C1orf146: variants seen among roughly 807,000 people sequenced by gnomAD.
The protein encoded by C1orf146 is protein SPO16 homolog.
Under a neutral mutation model 23.0 loss-of-function variants are expected in C1orf146, and 22 were observed. That is an observed-to-expected ratio of 0.96 (90% CI 0.68 to 1.36). The LOEUF is 1.36. Among genes scored for constraint, C1orf146 ranks in the 40% most tolerant of loss-of-function variants. The pLI is 0.00. For missense variants in C1orf146, 199 were observed against 206.8 expected (o/e 0.96, Z 0.23); for synonymous variants, 59 against 65.3 (o/e 0.90, Z 0.47).
intron 2 of C1orf146, among the ~76,000 whole-genome samples, chr1:92,236,621 C>T (rs576546688): frequency 2.0e-5 from 3 of 152,122 alleles, no homozygotes; most frequent in East Asian, 3.9e-4. Context: ...ATCTTTGTGG[C>T]GTTCTCTGTA....
chr1:92,221,437 A>G (rs1651815290), intron 1 of C1orf146, among the ~76,000 whole-genome samples: 1 of 152,208 alleles, frequency 6.6e-6, no homozygotes, highest in African/African-American at 2.4e-5. Context: ...AACATCACAC[A>G]ATATACCCAT....
intron 3 of C1orf146, 109 bp downstream of exon 3, chr1:92,242,414 T>A: frequency 2.0e-6 from 1 of 510,402 alleles, no homozygotes. Context: ...TTGGGAAGGG[T>A]AAATGTGTAA....
At chr1:92,240,081 C>T (rs3122320) in intron 2 of C1orf146, among the ~76,000 whole-genome samples, 131,509 of 152,212 alleles carry the variant, frequency 0.86, 57,231 homozygotes, top group East Asian at 1. Context: ...AAGGTTGCTC[C>T]AGAGAGTGCT....
intron 1 of C1orf146, among the ~76,000 whole-genome samples, chr1:92,221,595 G>T (rs574686534): frequency 5.3e-5 from 8 of 152,300 alleles, no homozygotes; most frequent in Admixed American, 3.3e-4. Flanking sequence ...TCTAAAAGTT[G>T]AAGATATTTT....
chr1:92,235,616 T>C (rs1393397949), intron 2 of C1orf146, among the ~76,000 whole-genome samples: 3 of 152,204 alleles, frequency 2.0e-5, no homozygotes, highest in African/African-American at 7.2e-5. Context: ...TCTGTAGATG[T>C]CTGTTATGTC....
intron 2 of C1orf146, among the ~76,000 whole-genome samples, chr1:92,234,343 A>G (rs1652217703): frequency 6.6e-6 from 1 of 152,078 alleles, no homozygotes; most frequent in Non-Finnish European, 1.5e-5. Context: ...TTTGTCAAAG[A>G]CCTTTTCTGC....
At position 92,244,717 on chromosome 1, in the gene C1orf146, CT is replaced by C. The variant is rs144951410; in HGVS notation, c.330-59del. On this transcript the variant is annotated intron_variant, in intron 4 of 5. Coordinates refer to ENST00000370375, the MANE Select transcript of C1orf146 (RefSeq NM_001012425.2). Reference sequence around the variant, plus strand: ...AATAGAGATTTGTCTCTTCTTTCCACTTTCTTAAGAGAACAGATGTCAGCAA... The same window carrying C: ...AATAGAGATTTGTCTCTTCTTTCCACTTCTTAAGAGAACAGATGTCAGCAA... 3.0e-3 allele frequency: 3,218 copies of C among 1,064,778 alleles called. 63 individuals are homozygous for C. The African/African-American group carries it at 0.043, about 14-fold the overall frequency. 66.0% of individuals were successfully genotyped at this position (1,064,778 alleles called of 1,614,324 possible).
chr1:92,225,794 A>G (rs1384490632), intron 1 of C1orf146, among the ~76,000 whole-genome samples: 2 of 152,052 alleles, frequency 1.3e-5, no homozygotes, highest in Non-Finnish European at 2.9e-5. Flanking sequence ...GTTGATATTT[A>G]TCTTAAAGTC....
At chr1:92,229,152 A>G (rs1045966359) in intron 1 of C1orf146, 9 of 523,044 alleles carry the variant, frequency 1.7e-5, no homozygotes, top group East Asian at 4.7e-5. Context: ...TCGGGGTGCA[A>G]TGATCTTGAT....
intron 2 of C1orf146, among the ~76,000 whole-genome samples, chr1:92,235,170 CT>C (rs1055905198): frequency 2.0e-4 from 31 of 151,876 alleles, no homozygotes; most frequent in Admixed American, 5.2e-4. Context: ...TGTGTTTGCT[CT>C]TGCTTTTCTA....
chr1:92,219,496 C>CTTTTTTTTTTTTT (rs71091269), intron 1 of C1orf146, among the ~76,000 whole-genome samples: 4 of 81,172 alleles, frequency 4.9e-5, no homozygotes, highest in Admixed American at 4.0e-4. Flanking sequence ...CTTTCTCTTT[C>CTTTTTTTTTTTTT]TTTTTTTTTT....
In C1orf146 at chr1:92,224,012, TTTTATTTATTTATTTATTTA is replaced by T. The variant is rs146799961; in HGVS notation, c.-40+6000_-40+6019del. Among the ~76,000 whole-genome samples, 246 of 133,374 alleles carry T rather than the reference TTTTATTTATTTATTTATTTA, an allele frequency of 1.8e-3. 2 individuals are homozygous for T. Among genetic ancestry groups the T allele is most frequent in the Admixed American group, 7.9e-3 (101 of 12,808 alleles). The allele number at this position is 133,374 out of a possible 152,430, so 87.5% of individuals were successfully genotyped here. A position where few individuals can be genotyped will look rare whatever the true frequency, so the allele number is the denominator to read the frequency against. On this transcript the variant is annotated intron_variant, in intron 1 of 5. Transcript: ENST00000370375. ...CAGTTTTGTTGTTGTTGTTGTTTTA[TTTTATTTATTTATTTATTTA>T]TTTATTTATTTATTTATTTATTTAT...
At chr1:92,218,241 C>T (rs1376501857) in intron 1 of C1orf146, among the ~76,000 whole-genome samples, 193 bp downstream of exon 1, 1 of 152,066 alleles carries the variant, frequency 6.6e-6, no homozygotes, top group Non-Finnish European at 1.5e-5. Context: ...AGGGCTCCCT[C>T]GGGGTTTTCC....
intron 1 of C1orf146, among the ~76,000 whole-genome samples, chr1:92,230,564 C>T (rs1244611672): frequency 2.7e-5 from 4 of 150,680 alleles, no homozygotes; most frequent in Non-Finnish European, 5.9e-5. Context: ...TGCAGTGAGC[C>T]GAGATTGCAC....
intron 1 of C1orf146, among the ~76,000 whole-genome samples, chr1:92,222,561 A>C (rs1403516562): frequency 3.5e-4 from 14 of 40,012 alleles, no homozygotes; most frequent in Admixed American, 1.2e-3. Context: ...TTTTTTTGTC[A>C]CTATAGTTTG....
intron 1 of C1orf146, among the ~76,000 whole-genome samples, chr1:92,218,255 T>G (rs769456932): frequency 1.3e-5 from 2 of 152,124 alleles, no homozygotes; most frequent in African/African-American, 2.4e-5. Flanking sequence ...GTTTTCCCTG[T>G]CAGAAGTCCG....
At chr1:92,227,569 C>A (rs1337759762) in intron 1 of C1orf146, among the ~76,000 whole-genome samples, 1 of 152,102 alleles carries the variant, frequency 6.6e-6, no homozygotes, top group East Asian at 1.9e-4. Context: ...TAAAGAACTT[C>A]TCCTGGTATC....
chr1:92,220,591 C>T (rs148157525), intron 1 of C1orf146, among the ~76,000 whole-genome samples: 1,937 of 152,232 alleles, frequency 0.013, 22 homozygotes, highest in Non-Finnish European at 0.02. Context: ...AGTAAAAATA[C>T]AGTATTATCA....
At position 92,245,633 on chromosome 1, in the gene C1orf146, C is replaced by A; in HGVS notation, c.502C>A (p.Gln168Lys). Residue 168 changes from glutamine (Q) to lysine (K), a missense_variant, in exon 6 of 6, where the codon CAG becomes AAG. Physicochemically the swap from Gln to Lys is moderately conservative, Grantham distance 53. Transcript: ENST00000370375. Reference sequence around the variant, plus strand: ...GCAAAGTCCTGTTTGGAAAACACTTCAGAAGATAAAACTGAATAGTGATTC... The same window carrying A: ...GCAAAGTCCTGTTTGGAAAACACTTAAGAAGATAAAACTGAATAGTGATTC... ...IEQSPVWKTLQKIKLNSDSVN... is the reference protein window; with the variant it reads ...IEQSPVWKTLKKIKLNSDSVN... The A allele has an allele frequency of 3.8e-6, 6 of 1,597,884 alleles. No individual in the cohort carries two copies. Among genetic ancestry groups the A allele is most frequent in the Non-Finnish European group, 5.1e-6 (6 of 1,174,206 alleles).
Sources: gnomAD v4.1 joint callset for allele counts (sites outside exome capture counted in the v4.1 genomes callset) on GRCh38, gnomAD v4.1.1 for gene constraint, MANE v1.5 for transcripts, NCBI Gene and HGNC (gene_info 2026-07-23, HGNC 2026-07-21) for gene names.